Variants in LBH observed in about 807,000 individuals in gnomAD.
LBH encodes the protein LBH regulator of Wnt signaling pathway, also known as protein LBH.
Under a neutral mutation model 12.5 loss-of-function variants are expected in LBH, and 7 were observed. The ratio of observed to expected loss-of-function variants is 0.56; its 90% CI spans 0.32 to 1.05. The LOEUF (loss-of-function observed/expected upper bound fraction) is 1.05. Ranked by LOEUF, LBH falls within the 50% of genes least tolerant of loss-of-function variation. The pLI, the probability that LBH is intolerant of heterozygous loss-of-function variation, is 0.04. For missense variants in LBH, 119 were observed against 138.9 expected (o/e 0.86, Z 0.72); for synonymous variants, 51 against 50.1 (o/e 1.02, Z -0.08).
chr2:30,237,523 C>T (rs982673274), intron 2 of LBH, among the ~76,000 whole-genome samples: 1 of 152,310 alleles, frequency 6.6e-6, no homozygotes, highest in South Asian at 2.1e-4. Flanking sequence ...ACCCTGCCCC[C>T]ACCCAAGGTG....
chr2:30,237,463 C>G (rs1365479730), intron 2 of LBH, among the ~76,000 whole-genome samples: 1 of 147,268 alleles, frequency 6.8e-6, no homozygotes, highest in Non-Finnish European at 1.5e-5. Flanking sequence ...GTTTTACCTT[C>G]TCTTTGCCCA....
intron 2 of LBH, among the ~76,000 whole-genome samples, chr2:30,243,869 T>C (rs773136032): frequency 6.6e-6 from 1 of 152,028 alleles, no homozygotes; most frequent in Non-Finnish European, 1.5e-5. Context: ...ATAATGGAAG[T>C]CTTGGACCCA....
chr2:30,232,198 G>T, intron 1 of LBH: 1 of 1,385,328 alleles, frequency 7.2e-7, no homozygotes. Flanking sequence ...CAGCAGCGGG[G>T]CTGAGCTGGT....
chr2:30,252,649 G>A (rs1037407001), intron 2 of LBH, among the ~76,000 whole-genome samples: 5 of 151,190 alleles, frequency 3.3e-5, no homozygotes, highest in East Asian at 1.9e-4. Context: ...GTGACAGAGC[G>A]AGACTCCGTC....
At chr2:30,256,521 T>G (rs1009315785) in intron 2 of LBH, 1 of 150,860 alleles carries the variant, frequency 6.6e-6, no homozygotes, top group African/African-American at 2.5e-5. Flanking sequence ...CCAGTTTTTG[T>G]TTTTTTTTAT....
chr2:30,259,816 CT>C lies in LBH; in HGVS notation c.*2208del, dbSNP rs879006901. 5.7e-3 allele frequency: 816 copies of C among 142,344 alleles called. 4 individuals carry two copies. Among genetic ancestry groups the C allele is most frequent in the Non-Finnish European group, 7.3e-3 (473 of 64,892 alleles). The allele number at this position is 142,344 out of a possible 1,614,324, so 8.8% of individuals were successfully genotyped here. A position where few individuals can be genotyped will look rare whatever the true frequency, so the allele number is the denominator to read the frequency against. Reference sequence around the variant, plus strand: ...TGGCTGAGCTCCTATCTGGCCTCCTCTTTTTTTTTTTTTCAAGTAATTTGTG... The same window carrying C: ...TGGCTGAGCTCCTATCTGGCCTCCTCTTTTTTTTTTTTCAAGTAATTTGTG... On this transcript the variant is annotated 3_prime_UTR_variant, in exon 3 of 3. Transcript: ENST00000395323.
At chr2:30,257,293 C>T (rs967767184) in intron 2 of LBH, 140 bp from the exon 3 acceptor site, 3 of 849,016 alleles carry the variant, frequency 3.5e-6, no homozygotes, top group Non-Finnish European at 5.6e-6. Flanking sequence ...ACCTTATATA[C>T]TCCACAGCCT....
chr2:30,252,749 T>C (rs1409738307), intron 2 of LBH, among the ~76,000 whole-genome samples: 1 of 152,050 alleles, frequency 6.6e-6, no homozygotes, highest in Non-Finnish European at 1.5e-5. Flanking sequence ...ACACACTTGG[T>C]GTCCATTGGA....
rs887027035 is a variant in LBH, at chr2:30,243,746, C to T, written c.129+9239C>T. ...GTTTCTCCATGTTGGCCAGGCTGTTCTCGAACTCCTGACCTCAGGTGATCC... is the reference window on the plus strand; with the variant it reads ...GTTTCTCCATGTTGGCCAGGCTGTTTTCGAACTCCTGACCTCAGGTGATCC... On this transcript the variant is annotated intron_variant, in intron 2 of 2. Transcript: ENST00000395323. Among the ~76,000 whole-genome samples the T allele has an allele frequency of 6.6e-5, 10 of 152,110 alleles. No individual in the cohort carries two copies. In the South Asian group the frequency reaches 2.1e-3, roughly 32 times the overall value.
chr2:30,248,466 A>C (rs898598656), intron 2 of LBH, among the ~76,000 whole-genome samples: 9 of 152,240 alleles, frequency 5.9e-5, no homozygotes, highest in African/African-American at 2.2e-4. Flanking sequence ...GGACAGGCTA[A>C]ATATTCAAGA....
chr2:30,231,860 G>C (rs1173715578), intron 1 of LBH, 96 bp downstream of exon 1: 6 of 1,112,662 alleles, frequency 5.4e-6, no homozygotes, highest in Non-Finnish European at 7.1e-6. Flanking sequence ...GAGGGCAGCC[G>C]GCGGCGCGGG....
rs186007101 is a variant in LBH at position 30,250,146 on chromosome 2, C to G, written c.130-7287C>G. Among the ~76,000 whole-genome samples, 64 of 152,282 alleles carry G rather than the reference C, an allele frequency of 4.2e-4. 1 individual carries two copies. Among genetic ancestry groups the G allele is most frequent in the African/African-American group, 1.5e-3 (64 of 41,568 alleles). ...GTCTGCCTGTGGGAAGAGCAATTTT[C>G]CTGAGCGGGTTTGGGCTGATTGTTC... On this transcript the variant is annotated intron_variant, in intron 2 of 2. Coordinates refer to ENST00000395323, the MANE Select transcript of LBH (RefSeq NM_030915.4).
intron 2 of LBH, among the ~76,000 whole-genome samples, chr2:30,241,421 A>G (rs1677786776): frequency 6.7e-6 from 1 of 150,144 alleles, no homozygotes; most frequent in Non-Finnish European, 1.5e-5. Context: ...AAAGAAACAT[A>G]TGCTCATTAT....
chr2:30,244,562 T>G (rs1677842636), intron 2 of LBH, among the ~76,000 whole-genome samples: 1 of 152,058 alleles, frequency 6.6e-6, no homozygotes, highest in Non-Finnish European at 1.5e-5. Context: ...TTCTCCCCCT[T>G]TACAAGAGGA....
chr2:30,244,071 A>C (rs1483421003), intron 2 of LBH, among the ~76,000 whole-genome samples: 1 of 152,216 alleles, frequency 6.6e-6, no homozygotes, highest in Non-Finnish European at 1.5e-5. Context: ...TTTTTAAACA[A>C]GTATGTTTTA....
chr2:30,243,525 C>CTTTTTTTTTTTTT (rs886828942), intron 2 of LBH, among the ~76,000 whole-genome samples: 1 of 110,148 alleles, frequency 9.1e-6, no homozygotes, highest in Non-Finnish European at 1.8e-5. Context: ...GGGCTGGACT[C>CTTTTTTTTTTTTT]TTTTTTTTTT....
chr2:30,234,332 C>A, intron 1 of LBH, 73 bp from the exon 2 acceptor site: 1 of 1,116,986 alleles, frequency 9.0e-7, no homozygotes, highest in Non-Finnish European at 1.4e-6. Flanking sequence ...GATCCCACAG[C>A]AGTGAATGCA....
rs1678133079 is a variant in LBH, at chr2:30,258,872, G to A, written c.*1251G>A. 1 of 152,186 alleles carries A rather than the reference G, an allele frequency of 6.6e-6. No homozygotes were observed. Among genetic ancestry groups the A allele is most frequent in the South Asian group, 2.1e-4 (1 of 4,822 alleles). The allele number at this position is 152,186 out of a possible 1,614,324, so 9.4% of individuals were successfully genotyped here. On this transcript the variant is annotated 3_prime_UTR_variant, in exon 3 of 3. Coordinates refer to ENST00000395323, the MANE Select transcript of LBH (RefSeq NM_030915.4). The stretch of plus-strand genomic sequence containing the variant: ...GTTGTTCCCGGACAAGGGCAGAAGG[G>A]AGGCATGGCAAGGGACCTCTGCTGT...
chr2:30,252,074 G>C (rs1160932512), intron 2 of LBH, among the ~76,000 whole-genome samples: 1 of 152,132 alleles, frequency 6.6e-6, no homozygotes, highest in African/African-American at 2.4e-5. Context: ...TGGCTTGGCC[G>C]TGTCCCCACC....
Sources: allele counts gnomAD v4.1 joint callset (sites outside exome capture counted in the v4.1 genomes callset), GRCh38; gene constraint gnomAD v4.1.1; transcripts MANE v1.5; gene names NCBI Gene and HGNC (gene_info 2026-07-23, HGNC 2026-07-21).